Variants in TMED9 observed in about 807,000 individuals in gnomAD.
The protein encoded by TMED9 is transmembrane p24 trafficking protein 9, also known as transmembrane emp24 domain-containing protein 9.
TMED9 carries 22 observed loss-of-function variants against 30.6 expected under a neutral mutation model. The ratio of observed to expected loss-of-function variants is 0.72; its 90% CI spans 0.51 to 1.03. The LOEUF (loss-of-function observed/expected upper bound fraction) is 1.03, where lower values mean the gene tolerates loss of function less well. Among genes scored for constraint, TMED9 ranks in the 50% least tolerant of loss-of-function variants. The probability of loss-of-function intolerance (pLI) is 0.00; values close to 1 mark genes in which losing one functional copy is unlikely to be tolerated. For synonymous variants in TMED9, 146 were observed against 122.8 expected (o/e 1.19, Z -1.25); for missense variants, 251 against 302.1 (o/e 0.83, Z 1.25).
At chr5:177,592,511 G>C (rs1767606805) in intron 1 of TMED9, 64 bp from the exon 2 acceptor site, 2 of 1,565,438 alleles carry the variant, frequency 1.3e-6, no homozygotes, top group African/African-American at 2.7e-5. Flanking sequence ...GCCGTGCCCA[G>C]GCGGTCGCGG....
chr5:177,592,641 G>A lies in TMED9; in HGVS notation c.251G>A (p.Gly84Asp). 1 of 1,613,300 alleles carries A rather than the reference G, an allele frequency of 6.2e-7. No individual in the cohort carries two copies. Among genetic ancestry groups the A allele is most frequent in the Non-Finnish European group, 8.5e-7 (1 of 1,179,722 alleles). ...TACCAGCCGGCCACCCCGGGGCTTGGCATGTTTGTGGAGGTGAAGGACCCA... is the reference window on the plus strand; with the variant it reads ...TACCAGCCGGCCACCCCGGGGCTTGACATGTTTGTGGAGGTGAAGGACCCA... The part of the protein sequence containing the change: ...EEYQPATPGL[G>D]MFVEVKDPED... The change falls in exon 2 of 5, where the codon GGC (glycine) becomes GAC (aspartate). Residue 84 changes from glycine (G) to aspartate (D), a missense_variant. Transcript: ENST00000332598.
chr5:177,593,885 C>T, intron 3 of TMED9, 110 bp downstream of exon 3: 7 of 1,475,412 alleles, frequency 4.7e-6, no homozygotes, highest in Non-Finnish European at 1.9e-6. Flanking sequence ...TTTGTGTCTC[C>T]TAAGAACACT....
At position 177,592,686 on chromosome 5, in the gene TMED9, CG is replaced by C. The variant is rs757348392; in HGVS notation, c.285+12del. The C allele has an allele frequency of 6.1e-3, 8,316 of 1,368,260 alleles. 47 individuals are homozygous for C. Among genetic ancestry groups the C allele is most frequent in the African/African-American group, 0.039 (2,694 of 69,612 alleles). 84.8% of individuals were successfully genotyped at this position (1,368,260 alleles called of 1,614,324 possible). ...GACCCAGAGGACAAGGTGAGCCAAC[CG>C]CCCCCCTCCTCTCCGCCAGCCTCTC... On this transcript the variant is annotated intron_variant, in intron 2 of 4. Transcript: ENST00000332598.
In TMED9 at chr5:177,595,567, C is replaced by A; in HGVS notation, c.*151C>A. Reference sequence around the variant, plus strand: ...ACCCACAGGCACAAGCTGAAGGCAGCAGCTTGGCTAATACTGAGCAGGTAG... The same window carrying A: ...ACCCACAGGCACAAGCTGAAGGCAGAAGCTTGGCTAATACTGAGCAGGTAG... On this transcript the variant is annotated 3_prime_UTR_variant, in exon 5 of 5. Coordinates refer to ENST00000332598, the MANE Select transcript of TMED9 (RefSeq NM_017510.6). 1 of 946,224 alleles carries A rather than the reference C, an allele frequency of 1.1e-6. No homozygotes were observed. The highest frequency in any genetic ancestry group is 1.5e-6 in the Non-Finnish European group (1 of 647,652). 58.6% of individuals were successfully genotyped at this position (946,224 alleles called of 1,614,324 possible).
At chr5:177,593,606 C>G in intron 2 of TMED9, 44 bp from the exon 3 acceptor site, 1 of 1,612,078 alleles carries the variant, frequency 6.2e-7, no homozygotes, top group Non-Finnish European at 8.5e-7. Flanking sequence ...CCTCCATTCC[C>G]ATCCCTACCA....
At chr5:177,595,072 G>A (rs1767663845) in intron 4 of TMED9, among the ~76,000 whole-genome samples, 195 bp from the exon 5 acceptor site, 1 of 152,224 alleles carries the variant, frequency 6.6e-6, no homozygotes, top group South Asian at 2.1e-4. Flanking sequence ...GGCTATGCCT[G>A]ACAGATGAAG....
In TMED9 at chr5:177,595,329, C is replaced by G. The variant is rs202086557; in HGVS notation, c.621C>G (p.Ser207=). The part of the protein sequence containing the change: ...ESTNQRVLWW[S]ILQTLILVAI... ...CCAACCAGCGGGTGCTGTGGTGGTCCATTCTGCAGACCCTCATCCTCGTGG... is the reference window on the plus strand; with the variant it reads ...CCAACCAGCGGGTGCTGTGGTGGTCGATTCTGCAGACCCTCATCCTCGTGG... The change falls in exon 5 of 5, where the codon TCC becomes TCG. Residue 207 remains serine (S), a synonymous_variant. Transcript: ENST00000332598. The G allele has an allele frequency of 6.2e-7, 1 of 1,612,888 alleles. No homozygotes were observed. The highest frequency in any genetic ancestry group is 1.7e-5 in the Admixed American group (1 of 59,934).
chr5:177,593,822 G>A (rs1303674786), intron 3 of TMED9, 47 bp downstream of exon 3: 3 of 1,609,570 alleles, frequency 1.9e-6, no homozygotes, highest in Non-Finnish European at 8.5e-7. Context: ...TTCATCCTTT[G>A]GTGAGGACTG....
chr5:177,594,348 A>G, intron 4 of TMED9, 63 bp downstream of exon 4: 1 of 1,579,760 alleles, frequency 6.3e-7, no homozygotes, highest in Non-Finnish European at 8.6e-7. Context: ...CTCAGCCAGG[A>G]ATTTCACATT....
intron 1 of TMED9, 67 bp from the exon 2 acceptor site, chr5:177,592,508 C>T: frequency 1.3e-6 from 2 of 1,565,270 alleles, no homozygotes; most frequent in Non-Finnish European, 1.7e-6. Flanking sequence ...CTCGCCGTGC[C>T]CAGGCGGTCG....
At position 177,592,408 on chromosome 5, in the gene TMED9, C is replaced by T. The variant is rs1767603131; in HGVS notation, c.184+10C>T. 2 of 1,589,022 alleles carry T rather than the reference C, an allele frequency of 1.3e-6. No individual in the cohort carries two copies. Among genetic ancestry groups the T allele is most frequent in the African/African-American group, 1.3e-5 (1 of 74,462 alleles). ...GAGACCATGGTCATAGGTGCGGGGG[C>T]GGGGAGGAAGGGGCGAGTTTGGAAC... On this transcript the variant is annotated intron_variant, in intron 1 of 4. Transcript: ENST00000332598.
chr5:177,592,527 A>G, intron 1 of TMED9, 48 bp from the exon 2 acceptor site: 1 of 1,580,950 alleles, frequency 6.3e-7, no homozygotes, highest in Non-Finnish European at 8.6e-7. Context: ...CGCGGAACCC[A>G]TGCCACCTCG....
chr5:177,593,399 G>A, intron 2 of TMED9: 1 of 459,184 alleles, frequency 2.2e-6, no homozygotes, highest in Non-Finnish European at 3.9e-6. Context: ...AAGCTATAAA[G>A]GAAAGCCCTT....
In TMED9 at chr5:177,594,210, G is replaced by A; in HGVS notation, c.483G>A (p.Leu161=). The A allele has an allele frequency of 6.2e-7, 1 of 1,614,228 alleles. No homozygotes were observed. The highest frequency in any genetic ancestry group is 1.3e-5 in the African/African-American group (1 of 75,068). ...DYAEIAAKDK[L]SELQLRVRQL... is the part of the protein sequence containing the mutation. ...CAGAAATTGCTGCTAAAGACAAGTTGAGTGAGTTGCAGCTACGAGTGCGAC... is the reference window on the plus strand; with the variant it reads ...CAGAAATTGCTGCTAAAGACAAGTTAAGTGAGTTGCAGCTACGAGTGCGAC... The change falls in exon 4 of 5, where the codon TTG becomes TTA. Residue 161 remains leucine, a synonymous_variant. Coordinates refer to ENST00000332598, the MANE Select transcript of TMED9 (RefSeq NM_017510.6).
chr5:177,595,149 T>G, intron 4 of TMED9, 118 bp from the exon 5 acceptor site: 4 of 1,100,994 alleles, frequency 3.6e-6, no homozygotes, highest in Non-Finnish European at 5.1e-6. Flanking sequence ...AGTGACACTT[T>G]GCAGGCACTT....
At position 177,592,282 on chromosome 5, in the gene TMED9, G is replaced by A; in HGVS notation, c.68G>A (p.Arg23Gln). ...GGAACCGGGCTGGGTAGAGTGATGC[G>A]GACCCTCCTGCTGGTGCTGTGGCTG... is the stretch of plus-strand genomic sequence containing the variant. ...RPGTGLGRVM[R>Q]TLLLVLWLAT... is the part of the protein sequence containing the mutation. The change falls in exon 1 of 5, where the codon CGG becomes CAG. Residue 23 changes from arginine (R) to glutamine (Q), a missense_variant. This residue lies in a region of TMED9 where 98 missense variants were observed against 62.5 expected (regional missense o/e 1.57). Transcript: ENST00000332598. The A allele has an allele frequency of 6.2e-7, 1 of 1,611,698 alleles. No homozygotes were observed. Among genetic ancestry groups the A allele is most frequent in the South Asian group, 1.1e-5 (1 of 90,558 alleles).
rs747171739 is a variant in TMED9, at chr5:177,594,284, G to A, written c.557G>A (p.Arg186Gln). 7 of 1,613,954 alleles carry A rather than the reference G, an allele frequency of 4.3e-6. No individual in the cohort carries two copies. The highest frequency in any genetic ancestry group is 1.1e-5 in the South Asian group (1 of 91,034). ...EQIQKEQNYQ[R>Q]WREERFRQTS... ...ATCCAGAAAGAGCAGAACTACCAGC[G>A]GGTGAGTGACTGGGCCGGGAGCAGT... is the stretch of plus-strand genomic sequence containing the variant. The change falls in exon 4 of 5, where the codon CGG becomes CAG. Residue 186 changes from arginine (R) to glutamine (Q), a missense_variant and splice_region_variant. By Grantham distance (43) the Arg-to-Gln change is conservative (BLOSUM62 1). Transcript: ENST00000332598.
chr5:177,593,709 T>C lies in TMED9; in HGVS notation c.345T>C (p.Pro115=). Residue 115 remains proline (P), a synonymous_variant, in exon 3 of 5, where the codon CCT becomes CCC. Coordinates refer to ENST00000332598, the MANE Select transcript of TMED9 (RefSeq NM_017510.6). Reference sequence around the variant, plus strand: ...GGTTCACTTTCACTTCCCATACCCCTGGTGAGCACCAGATCTGTCTTCACT... The same window carrying C: ...GGTTCACTTTCACTTCCCATACCCCCGGTGAGCACCAGATCTGTCTTCACT... The part of the protein sequence containing the change: ...EGRFTFTSHT[P]GEHQICLHSN... 1 of 1,614,232 alleles carries C rather than the reference T, an allele frequency of 6.2e-7. No individual in the cohort carries two copies. Among genetic ancestry groups the C allele is most frequent in the Non-Finnish European group, 8.5e-7 (1 of 1,180,048 alleles).
At chr5:177,593,831 T>C in intron 3 of TMED9, 56 bp downstream of exon 3, 1 of 1,604,184 alleles carries the variant, frequency 6.2e-7, no homozygotes, top group Admixed American at 1.7e-5. Flanking sequence ...TGGTGAGGAC[T>C]GGGGGACTGG....
Sources: gnomAD v4.1 joint callset for allele counts (sites outside exome capture counted in the v4.1 genomes callset) on GRCh38, gnomAD v4.1.1 for gene constraint, gnomAD v4.1.1 regional missense constraint, MANE v1.5 for transcripts, NCBI Gene and HGNC (gene_info 2026-07-23, HGNC 2026-07-21) for gene names.